Variants in PTPRN2 observed in about 807,000 individuals in gnomAD.
The protein encoded by PTPRN2 is protein tyrosine phosphatase receptor type N2.
In PTPRN2, 74 loss-of-function variants were observed where a neutral mutation model predicts 118.8. The observed-to-expected ratio is 0.62, with a 90% confidence interval of 0.52 to 0.76. PTPRN2 has a LOEUF of 0.76. PTPRN2 is among the 30% of genes least tolerant of loss of function. The pLI, the probability that PTPRN2 is intolerant of heterozygous loss-of-function variation, is 0.00. For missense variants in PTPRN2, 1,481 were observed against 1,394.4 expected, an observed-to-expected ratio of 1.06 and a Z score of -0.99; for synonymous variants, 641 against 608.0, an observed-to-expected ratio of 1.05 and a Z score of -0.80.
At chr7:158,108,246 C>A (rs1186552992) in intron 10 of PTPRN2, among the ~76,000 whole-genome samples, 1 of 150,996 alleles carries the variant, frequency 6.6e-6, no homozygotes, top group Non-Finnish European at 1.5e-5. Flanking sequence ...CACTATAGCC[C>A]CACAAATAGC....
chr7:157,990,930 C>A lies in PTPRN2; in HGVS notation c.1723+90368G>T, dbSNP rs1804206823. Among the ~76,000 whole-genome samples, 1 of 152,228 alleles carries A rather than the reference C, an allele frequency of 6.6e-6. No homozygotes were observed. The highest frequency in any genetic ancestry group is 2.4e-5 in the African/African-American group (1 of 41,456). On this transcript the variant is annotated intron_variant, in intron 11 of 22. Coordinates refer to ENST00000389418, the MANE Select transcript of PTPRN2 (RefSeq NM_002847.5). This position sits in a 1 kb window ranked among gnomAD's most constrained non-coding sequence, Gnocchi z 4.3. ...GAGCTGCTGGTGTCAACCCTGCCAG[C>A]AAGATGTGCCCCAGATCCCCAGAGT...
At chr7:158,586,538 G>A (rs1476778264) in intron 1 of PTPRN2, among the ~76,000 whole-genome samples, 3 of 152,232 alleles carry the variant, frequency 2.0e-5, no homozygotes, top group South Asian at 2.1e-4. Context: ...CCCCGAAGCC[G>A]CCTGGAAACA....
intron 11 of PTPRN2, among the ~76,000 whole-genome samples, chr7:158,058,665 T>C (rs1324903590): frequency 4.8e-5 from 4 of 83,962 alleles, no homozygotes; most frequent in African/African-American, 1.7e-4. Flanking sequence ...CGGTGAGACA[T>C]CACTGCAGCC....
chr7:158,347,252 A>T (rs1469227472), intron 2 of PTPRN2, among the ~76,000 whole-genome samples: 1 of 152,190 alleles, frequency 6.6e-6, no homozygotes, highest in Non-Finnish European at 1.5e-5. Context: ...TTAAGTCTTT[A>T]ATCCCTTTTG....
intron 11 of PTPRN2, among the ~76,000 whole-genome samples, chr7:158,031,395 C>A (rs1253145943): frequency 1.3e-5 from 2 of 152,094 alleles, no homozygotes; most frequent in Non-Finnish European, 2.9e-5. Context: ...GAGGGTGGAG[C>A]AACAAATAAT....
Position 158,133,786 on chromosome 7 carries a change from CCTT to C in PTPRN2, c.1444_1446del (p.Lys482del), listed in dbSNP as rs1266876115. 3.1e-6 allele frequency: 5 copies of C among 1,613,896 alleles called. No homozygotes were observed. Among genetic ancestry groups the C allele is most frequent in the Non-Finnish European group, 1.7e-6 (2 of 1,180,036 alleles). ...GCACCCGCTGGAAGGCTCTGCTCCTCCTTCGAGGGCCCAGGCATCTGGTTTTGG... is the reference window on the plus strand; with the variant it reads ...GCACCCGCTGGAAGGCTCTGCTCCTCCGAGGGCCCAGGCATCTGGTTTTGG... On this transcript the variant is annotated inframe_deletion, in exon 9 of 23. Coordinates refer to ENST00000389418, the MANE Select transcript of PTPRN2 (RefSeq NM_002847.5).
intron 6 of PTPRN2, among the ~76,000 whole-genome samples, chr7:158,154,928 G>T (rs975380757): frequency 3.3e-5 from 5 of 152,190 alleles, no homozygotes; most frequent in African/African-American, 7.2e-5. Flanking sequence ...AAGATGAAGA[G>T]AAATGAGGAA....
chr7:157,801,010 C>T lies in PTPRN2; in HGVS notation c.1788+97663G>A, dbSNP rs1343606725. ...ACACACATATATATACACACATATA[C>T]ATATACACACACATATATATACACA... is the stretch of plus-strand genomic sequence containing the variant. On this transcript the variant is annotated intron_variant, in intron 12 of 22. Transcript: ENST00000389418. This position sits in a 1 kb window ranked among gnomAD's most constrained non-coding sequence, Gnocchi z 4.2. Among the ~76,000 whole-genome samples the T allele has an allele frequency of 6.6e-6, 1 of 150,396 alleles. No individual in the cohort carries two copies. Among genetic ancestry groups the T allele is most frequent in the African/African-American group, 2.5e-5 (1 of 40,788 alleles).
chr7:157,783,528 T>A (rs183453391), intron 12 of PTPRN2, among the ~76,000 whole-genome samples: 44 of 148,448 alleles, frequency 3.0e-4, no homozygotes, highest in Admixed American at 1.3e-3. Flanking sequence ...TAGTATGAAG[T>A]CATCTTACTA....
chr7:158,255,934 C>T (rs1796994273), intron 3 of PTPRN2, among the ~76,000 whole-genome samples: 3 of 152,234 alleles, frequency 2.0e-5, no homozygotes. Flanking sequence ...ATGCTCAGAA[C>T]TACCCAGCCT....
At chr7:158,527,998 G>A (rs1468460293) in intron 1 of PTPRN2, among the ~76,000 whole-genome samples, 1 of 152,194 alleles carries the variant, frequency 6.6e-6, no homozygotes, top group Non-Finnish European at 1.5e-5. Context: ...CACACAGCAG[G>A]GACTCAGCAG....
intron 1 of PTPRN2, among the ~76,000 whole-genome samples, chr7:158,497,271 A>T (rs1822022078): frequency 7.5e-6 from 1 of 132,758 alleles, no homozygotes; most frequent in African/African-American, 2.9e-5. Context: ...CCGTTGGGTG[A>T]CATGCAGCCC....
At chr7:158,366,284 T>C (rs1207490013) in intron 2 of PTPRN2, among the ~76,000 whole-genome samples, 1 of 135,318 alleles carries the variant, frequency 7.4e-6, no homozygotes, top group Non-Finnish European at 1.6e-5. Context: ...ACAGCATCCC[T>C]GGGAGAAGCT....
intron 11 of PTPRN2, among the ~76,000 whole-genome samples, chr7:157,939,296 G>C (rs897495045): frequency 2.6e-5 from 4 of 152,256 alleles, no homozygotes; most frequent in Admixed American, 1.3e-4. Flanking sequence ...CAGGTCTCCT[G>C]TCTCACTAGC....
intron 6 of PTPRN2, among the ~76,000 whole-genome samples, chr7:158,155,514 TCATCAC>T (rs1821649838): frequency 6.7e-6 from 1 of 148,608 alleles, no homozygotes; most frequent in Non-Finnish European, 1.5e-5. Flanking sequence ...ACCAATGCCA[TCATCAC>T]CATCACCATC....
At chr7:158,444,944 C>T in intron 2 of PTPRN2, among the ~76,000 whole-genome samples, 1 of 151,998 alleles carries the variant, frequency 6.6e-6, no homozygotes, top group South Asian at 2.1e-4. Flanking sequence ...CGCGGCCGCA[C>T]CCGGCGGGGC....
At position 158,123,378 on chromosome 7, in the gene PTPRN2, C is replaced by G. The variant is rs372068625; in HGVS notation, c.1556+10299G>C. Among the ~76,000 whole-genome samples, 118 of 152,306 alleles carry G rather than the reference C, an allele frequency of 7.7e-4. 3 individuals are homozygous for G. The South Asian group carries it at 0.023, about 30-fold the overall frequency. On this transcript the variant is annotated intron_variant, in intron 9 of 22. Transcript: ENST00000389418. Reference sequence around the variant, plus strand: ...GCGCCACAGTATCCTACAGACACCACGGTGACCGACGCCATGGTGACCGAC... The same window carrying G: ...GCGCCACAGTATCCTACAGACACCAGGGTGACCGACGCCATGGTGACCGAC...
In PTPRN2 at chr7:158,281,246, G is replaced by A. The variant is rs544938812; in HGVS notation, c.277+35573C>T. On this transcript the variant is annotated intron_variant, in intron 3 of 22. Coordinates refer to ENST00000389418, the MANE Select transcript of PTPRN2 (RefSeq NM_002847.5). ...AGAGGTTGCAATGAGCTGGGATCAT[G>A]CCACTGCACTCCAGTCTGGGTGACA... 2.6e-5 allele frequency among the ~76,000 whole-genome samples: 4 copies of A among 152,302 alleles called. 1 individual carries two copies. Among genetic ancestry groups the A allele is most frequent in the African/African-American group, 9.6e-5 (4 of 41,568 alleles).
chr7:157,821,010 G>A (rs1449575561), intron 12 of PTPRN2, among the ~76,000 whole-genome samples: 1 of 152,216 alleles, frequency 6.6e-6, no homozygotes, highest in Non-Finnish European at 1.5e-5. Context: ...CCTGCAGCCT[G>A]GTGGAGTCTC....
Sources: gnomAD v4.1 joint callset for allele counts (sites outside exome capture counted in the v4.1 genomes callset) on GRCh38, gnomAD v4.1.1 for gene constraint, Gnocchi (gnomAD v3.1) non-coding constraint, MANE v1.5 for transcripts, NCBI Gene and HGNC (gene_info 2026-07-23, HGNC 2026-07-21) for gene names.